The following AJAP1 variants were observed in gnomAD, a reference collection of about 807,000 sequenced individuals.
The protein encoded by AJAP1 is adherens junction-associated protein 1.
In AJAP1, 5 loss-of-function variants were observed where a neutral mutation model predicts 35.0. That is an observed-to-expected ratio of 0.14 (90% CI 0.07 to 0.30). The LOEUF (loss-of-function observed/expected upper bound fraction) is 0.30. AJAP1 is among the 10% of genes least tolerant of loss of function. The pLI is 1.00. For synonymous variants in AJAP1, 284 were observed against 249.3 expected (o/e 1.14, Z -1.31); for missense variants, 586 against 571.0 (o/e 1.03, Z -0.27).
intron 2 of AJAP1, among the ~76,000 whole-genome samples, chr1:4,764,797 C>T (rs945257442): frequency 5.9e-5 from 9 of 152,182 alleles, no homozygotes; most frequent in Admixed American, 2.0e-4. Flanking sequence ...ACCAGCCAAA[C>T]GTGCCTCACG....
In AJAP1 at chr1:4,788,087, C is replaced by T; in HGVS notation, c.*5602C>T. 4.1e-6 allele frequency: 1 copy of T among 245,700 alleles called. No individual in the cohort carries two copies. Among genetic ancestry groups the T allele is most frequent in the Admixed American group, 5.6e-5 (1 of 17,816 alleles). The allele number at this position is 245,700 out of a possible 1,614,324, so 15.2% of individuals were successfully genotyped here. A position where few individuals can be genotyped will look rare whatever the true frequency, so the allele number is the denominator to read the frequency against. ...CTGAGGATCTTTGATTATTCTTCCCCACTTATTGTACATTGATGTGCCGCC... is the reference window on the plus strand; with the variant it reads ...CTGAGGATCTTTGATTATTCTTCCCTACTTATTGTACATTGATGTGCCGCC... On this transcript the variant is annotated 3_prime_UTR_variant, in exon 6 of 6. Coordinates refer to ENST00000378191, the MANE Select transcript of AJAP1 (RefSeq NM_018836.4).
intron 2 of AJAP1, among the ~76,000 whole-genome samples, chr1:4,748,734 T>G (rs1570190187): frequency 1.7e-5 from 2 of 119,726 alleles, no homozygotes; most frequent in Admixed American, 2.1e-4. Flanking sequence ...GGTGACAGAG[T>G]GAGACTCTGT....
At chr1:4,666,474 G>A (rs1639121090) in intron 1 of AJAP1, among the ~76,000 whole-genome samples, 1 of 152,198 alleles carries the variant, frequency 6.6e-6, no homozygotes, top group Admixed American at 6.5e-5. Flanking sequence ...ACCCTGGGGA[G>A]TGAGGGGTGC....
At chr1:4,705,640 G>T (rs1432044769) in intron 1 of AJAP1, among the ~76,000 whole-genome samples, 1 of 151,612 alleles carries the variant, frequency 6.6e-6, no homozygotes, top group Non-Finnish European at 1.5e-5. Context: ...CTCTCTGTGG[G>T]CATCCCCCAA....
At position 4,655,650 on chromosome 1, in the gene AJAP1, C is replaced by T. The variant is rs922368644; in HGVS notation, c.29+196C>T. Among the ~76,000 whole-genome samples the T allele has an allele frequency of 6.6e-6, 1 of 151,286 alleles. No homozygotes were observed. The highest frequency in any genetic ancestry group is 1.5e-5 in the Non-Finnish European group (1 of 67,740). ...CACCGCGGCCCTGGCGGGGAGCGGCCGGGTCTCCAGGGTTCCGCGCGTCCG... is the reference window on the plus strand; with the variant it reads ...CACCGCGGCCCTGGCGGGGAGCGGCTGGGTCTCCAGGGTTCCGCGCGTCCG... On this transcript the variant is annotated intron_variant, in intron 1 of 5. Transcript: ENST00000378191. The surrounding 1 kb of genome is among the most constrained non-coding windows in gnomAD (Gnocchi z 6.9).
At position 4,655,516 on chromosome 1, in the gene AJAP1, G is replaced by A. The variant is rs1259279788; in HGVS notation, c.29+62G>A. ...CGTGGGTGCCAGGCTGGGCGGAAGCGGCGCTTTCCTCTATGTTGCAAATCA... is the reference window on the plus strand; with the variant it reads ...CGTGGGTGCCAGGCTGGGCGGAAGCAGCGCTTTCCTCTATGTTGCAAATCA... On this transcript the variant is annotated intron_variant, in intron 1 of 5. Transcript: ENST00000378191. The surrounding 1 kb of genome is among the most constrained non-coding windows in gnomAD (Gnocchi z 6.9). 6.5e-7 allele frequency: 1 copy of A among 1,537,958 alleles called. No individual in the cohort carries two copies. Among genetic ancestry groups the A allele is most frequent in the African/African-American group, 1.4e-5 (1 of 70,346 alleles).
chr1:4,715,348 G>A (rs1640364083), intron 2 of AJAP1, among the ~76,000 whole-genome samples: 1 of 152,204 alleles, frequency 6.6e-6, no homozygotes, highest in African/African-American at 2.4e-5. Context: ...CCCTGGAAAA[G>A]GTCTCTCCTC....
In AJAP1 at chr1:4,750,046, G is replaced by A. The variant is rs114026159; in HGVS notation, c.830-19807G>A. On this transcript the variant is annotated intron_variant, in intron 2 of 5. Transcript: ENST00000378191. ...TGTGCATGTGTTTGTGTGTGTGTGT[G>A]TGTTTGTATCTATATATGCCAGTGT... 4.9e-3 allele frequency among the ~76,000 whole-genome samples: 749 copies of A among 152,184 alleles called. 7 individuals are homozygous for A. Among genetic ancestry groups the A allele is most frequent in the African/African-American group, 0.017 (718 of 41,532 alleles).
intron 1 of AJAP1, among the ~76,000 whole-genome samples, chr1:4,657,729 T>TGGGGGG (rs1210702314): frequency 5.6e-4 from 5 of 8,880 alleles, no homozygotes; most frequent in Admixed American, 1.2e-3. Flanking sequence ...GGGGTGGGGG[T>TGGGGGG]GGGGTGGGCT....
chr1:4,672,115 G>A (rs72857942), intron 1 of AJAP1, among the ~76,000 whole-genome samples: 6,321 of 152,278 alleles, frequency 0.042, 440 homozygotes, highest in African/African-American at 0.14. Context: ...TCTCCCCGGG[G>A]TGTGTATTAT....
chr1:4,784,896 C>T lies in AJAP1; in HGVS notation c.*2411C>T, dbSNP rs1167270966. 6.6e-6 allele frequency: 1 copy of T among 152,544 alleles called. No individual in the cohort carries two copies. The highest frequency in any genetic ancestry group is 6.5e-5 in the Admixed American group (1 of 15,288). The allele number at this position is 152,544 out of a possible 1,614,324, so 9.4% of individuals were successfully genotyped here. ...ATCACTCCCTCCCGCTGAGGTGGGC[C>T]TCCTGACTCCAGGTGAGCACAGCGT... On this transcript the variant is annotated 3_prime_UTR_variant, in exon 6 of 6. Transcript: ENST00000378191.
intron 1 of AJAP1, among the ~76,000 whole-genome samples, chr1:4,697,615 G>A (rs1417537851): frequency 6.6e-6 from 1 of 152,256 alleles, no homozygotes; most frequent in Non-Finnish European, 1.5e-5. Flanking sequence ...GCTGGTGCCA[G>A]GTCCATGTGG....
chr1:4,684,756 C>T (rs1315846165), intron 1 of AJAP1, among the ~76,000 whole-genome samples: 2 of 152,162 alleles, frequency 1.3e-5, no homozygotes, highest in Non-Finnish European at 2.9e-5. Flanking sequence ...AAAGGCAGAG[C>T]AGATCTAAAG....
At chr1:4,680,629 T>G (rs2100209213) in intron 1 of AJAP1, among the ~76,000 whole-genome samples, 1 of 152,342 alleles carries the variant, frequency 6.6e-6, no homozygotes, top group East Asian at 1.9e-4. Flanking sequence ...TGATGTCCAC[T>G]TATCTCTCAT....
At chr1:4,682,789 A>G (rs995654325) in intron 1 of AJAP1, among the ~76,000 whole-genome samples, 3 of 145,614 alleles carry the variant, frequency 2.1e-5, no homozygotes, top group Non-Finnish European at 4.5e-5. Flanking sequence ...GGATGAGGAT[A>G]GTGGTAATGA....
chr1:4,760,883 T>C (rs1641550103), intron 2 of AJAP1, among the ~76,000 whole-genome samples: 1 of 152,178 alleles, frequency 6.6e-6, no homozygotes. Flanking sequence ...CACTCTGGGA[T>C]TCTTGGGGTC....
At chr1:4,699,145 C>T (rs567218645) in intron 1 of AJAP1, among the ~76,000 whole-genome samples, 44 of 152,306 alleles carry the variant, frequency 2.9e-4, no homozygotes, top group African/African-American at 1.0e-3. Context: ...GGGCTCGCCC[C>T]AGGGTGCGTG....
intron 2 of AJAP1, among the ~76,000 whole-genome samples, chr1:4,717,365 C>T (rs3753697): frequency 0.022 from 3,350 of 152,222 alleles, 144 homozygotes; most frequent in East Asian, 0.17. Flanking sequence ...CAGGCCAATC[C>T]GCTGCTTTCC....
chr1:4,770,483 G>A (rs958158661), intron 3 of AJAP1, among the ~76,000 whole-genome samples: 1 of 152,152 alleles, frequency 6.6e-6, no homozygotes, highest in African/African-American at 2.4e-5. Context: ...CCTACTTTGA[G>A]GCCAGCCTTG....
Sources: gnomAD v4.1 joint callset for allele counts (sites outside exome capture counted in the v4.1 genomes callset) on GRCh38, gnomAD v4.1.1 for gene constraint, Gnocchi (gnomAD v3.1) non-coding constraint, MANE v1.5 for transcripts, NCBI Gene and HGNC (gene_info 2026-07-23, HGNC 2026-07-21) for gene names.